Variants in DYNC2H1 observed in about 807,000 individuals in gnomAD.
DYNC2H1 encodes the protein dynein cytoplasmic 2 heavy chain 1.
DYNC2H1 carries 410 observed loss-of-function variants against 570.0 expected under a neutral mutation model. The observed-to-expected ratio is 0.72, with a 90% CI of 0.66 to 0.78. The LOEUF (loss-of-function observed/expected upper bound fraction) is 0.78, where lower values mean the gene tolerates loss of function less well. Among genes scored for constraint, DYNC2H1 ranks in the 30% least tolerant of loss-of-function variants. DYNC2H1 has a pLI of 0.00. For synonymous variants in DYNC2H1, 1,688 were observed against 1,677.6 expected (o/e 1.01, Z -0.15); for missense variants, 4,865 against 5,046.4 (o/e 0.96, Z 1.09).
chr11:103,225,583 G>A (rs896101348), intron 59 of DYNC2H1, among the ~76,000 whole-genome samples: 1 of 152,002 alleles, frequency 6.6e-6, no homozygotes, highest in Admixed American at 6.6e-5. Flanking sequence ...TTTATTTCTG[G>A]ATTTTCTCTT....
At chr11:103,236,272 G>C (rs1864216621) in intron 62 of DYNC2H1, among the ~76,000 whole-genome samples, 158 bp from the exon 63 acceptor site, 1 of 151,896 alleles carries the variant, frequency 6.6e-6, no homozygotes, top group African/African-American at 2.4e-5. Flanking sequence ...TTTTGTTTTA[G>C]ACTTTTTTCT....
chr11:103,163,087 A>C lies in DYNC2H1; in HGVS notation c.4551A>C (p.Glu1517Asp). The change falls in exon 30 of 89, where the codon GAA becomes GAC. Residue 1517 changes from glutamate (E) to aspartate (D), a missense_variant. Glu to Asp is a conservative substitution (Grantham distance 45). Around this residue, in one of 5 missense-constraint regions of DYNC2H1, gnomAD observed 1,936 missense variants for 1,962.1 expected, o/e 0.99. Coordinates refer to ENST00000375735, the MANE Select transcript of DYNC2H1 (RefSeq NM_001377.3). The surrounding 1 kb of genome is among the most constrained non-coding windows in gnomAD (Gnocchi z 4.6). Reference protein sequence around the residue: ...MKKTLEQLLKECVTTGRSSQG... With the variant: ...MKKTLEQLLKDCVTTGRSSQG... ...AAACTTTGGAACAGTTGTTGAAGGA[A>C]TGTGTTACTACTGGGCGAAGTTCTC... 1 of 1,613,276 alleles carries C rather than the reference A, an allele frequency of 6.2e-7. No homozygotes were observed. Among genetic ancestry groups the C allele is most frequent in the Non-Finnish European group, 8.5e-7 (1 of 1,179,390 alleles).
chr11:103,213,948 T>G lies in DYNC2H1; in HGVS notation c.8695-1773T>G, dbSNP rs1293841870. On this transcript the variant is annotated intron_variant, in intron 54 of 88. Transcript: ENST00000375735. ...TTTCCTCAATGTTTTATTCTAGAAG[T>G]TTTATAGTTCCAGGTCTTTTGTTTA... Among the ~76,000 whole-genome samples, 4 of 152,168 alleles carry G rather than the reference T, an allele frequency of 2.6e-5. No individual in the cohort carries two copies. In the East Asian group the frequency reaches 7.7e-4, roughly 29 times the overall value.
At position 103,255,945 on chromosome 11, in the gene DYNC2H1, A is replaced by G. The variant is rs529737147; in HGVS notation, c.10327-161A>G. Among the ~76,000 whole-genome samples, 29 of 152,272 alleles carry G rather than the reference A, an allele frequency of 1.9e-4. No homozygotes were observed. The Middle Eastern group carries it at 0.017, about 89-fold the overall frequency. On this transcript the variant is annotated intron_variant, in intron 67 of 88. Transcript: ENST00000375735. ...TCATTTGATATAAGAAGACTATAAT[A>G]AAAACAGAATAAAACTTTAAGAGGG...
chr11:103,197,514 C>G (rs1055806854), intron 47 of DYNC2H1, among the ~76,000 whole-genome samples: 3 of 152,122 alleles, frequency 2.0e-5, no homozygotes, highest in Non-Finnish European at 4.4e-5. Context: ...GTGGTGCAAT[C>G]ATGGCTCACG....
Position 103,261,981 on chromosome 11 carries a change from A to G in DYNC2H1, c.10695+2004A>G, listed in dbSNP as rs919426825. Among the ~76,000 whole-genome samples the G allele has an allele frequency of 1.3e-5, 2 of 152,314 alleles. No homozygotes were observed. The highest frequency in any genetic ancestry group is 3.9e-4 in the East Asian group (2 of 5,176). The stretch of plus-strand genomic sequence containing the variant: ...AAGGTTAGAGGAATTGCTAACTAGA[A>G]TAACCAGTTTAGAGAAGAACATAAA... On this transcript the variant is annotated intron_variant, in intron 70 of 88. Transcript: ENST00000375735. The surrounding 1 kb of genome is among the most constrained non-coding windows in gnomAD (Gnocchi z 4.8).
Position 103,334,462 on chromosome 11 carries a change from G to T in DYNC2H1, c.12039+10472G>T, listed in dbSNP as rs1232412589. On this transcript the variant is annotated intron_variant, in intron 82 of 88. Coordinates refer to ENST00000375735, the MANE Select transcript of DYNC2H1 (RefSeq NM_001377.3). This position sits in a 1 kb window ranked among gnomAD's most constrained non-coding sequence, Gnocchi z 4.3. ...ATTATAAATATCAAATGTAAAATTT[G>T]GTTTCATTCTAACAATTCCATGTAA... 6.6e-6 allele frequency among the ~76,000 whole-genome samples: 1 copy of T among 151,770 alleles called. No individual in the cohort carries two copies. The highest frequency in any genetic ancestry group is 1.5e-5 in the Non-Finnish European group (1 of 67,894).
intron 63 of DYNC2H1, among the ~76,000 whole-genome samples, chr11:103,242,813 A>G (rs967243770): frequency 7.9e-5 from 12 of 151,890 alleles, no homozygotes; most frequent in African/African-American, 2.9e-4. Context: ...CTCTGCCTCC[A>G]GGGTTCAAGC....
In DYNC2H1 at chr11:103,450,396, A is replaced by G. The variant is rs114271686; in HGVS notation, c.12457-4790A>G. On this transcript the variant is annotated intron_variant, in intron 85 of 88. Transcript: ENST00000375735. The stretch of plus-strand genomic sequence containing the variant: ...TTAACAAAAGCAGAATGCGCATTCA[A>G]GTGCGCACAGGGTGTTTACAGTGGT... Among the ~76,000 whole-genome samples the G allele has an allele frequency of 4.6e-3, 703 of 152,336 alleles. 4 individuals carry two copies. Among genetic ancestry groups the G allele is most frequent in the African/African-American group, 0.016 (652 of 41,588 alleles).
At chr11:103,428,399 AACAT>A (rs1454360594) in intron 84 of DYNC2H1, among the ~76,000 whole-genome samples, 1 of 152,172 alleles carries the variant, frequency 6.6e-6, no homozygotes, top group Non-Finnish European at 1.5e-5. Flanking sequence ...AAAACTATCT[AACAT>A]ACAGTGATGG....
At chr11:103,441,068 C>T (rs1277439209) in intron 85 of DYNC2H1, among the ~76,000 whole-genome samples, 2 of 152,224 alleles carry the variant, frequency 1.3e-5, no homozygotes, top group Middle Eastern at 3.4e-3. Context: ...TATCAAAATC[C>T]TTACACATCC....
chr11:103,447,679 GTTTATTATAACTAAGT>G (rs1944472689), intron 85 of DYNC2H1, among the ~76,000 whole-genome samples: 1 of 152,054 alleles, frequency 6.6e-6, no homozygotes, highest in African/African-American at 2.4e-5. Context: ...TATTTGAGAG[GTTTATTATAACTAAGT>G]TTTTTAAGGC....
rs188456662 is a variant in DYNC2H1 at position 103,124,975 on chromosome 11, T to C, written c.1662-125T>C. ...AAAACCCACAACTTAAAAGCTATAA[T>C]TAAAAAGTTTTTTTTTACTTTGAGC... On this transcript the variant is annotated intron_variant, in intron 11 of 88. Transcript: ENST00000375735. 3 of 669,890 alleles carry C rather than the reference T, an allele frequency of 4.5e-6. No homozygotes were observed. In the East Asian group the frequency reaches 9.5e-5, roughly 21 times the overall value. 41.5% of individuals were successfully genotyped at this position (669,890 alleles called of 1,614,324 possible).
At chr11:103,128,880 A>G (rs1233828349) in intron 12 of DYNC2H1, 30 bp from the exon 13 acceptor site, 3 of 1,443,012 alleles carry the variant, frequency 2.1e-6, no homozygotes, top group Non-Finnish European at 2.8e-6. Context: ...GAAGTTATTA[A>G]TTATTACTAA....
intron 47 of DYNC2H1, 106 bp from the exon 48 acceptor site, chr11:103,197,827 A>G (rs142173569): frequency 7.9e-7 from 1 of 1,259,742 alleles, no homozygotes; most frequent in African/African-American, 1.5e-5. Flanking sequence ...TCTGGAGATG[A>G]TCTTATTTGG....
chr11:103,444,876 C>A (rs1944374238), intron 85 of DYNC2H1, among the ~76,000 whole-genome samples: 1 of 152,054 alleles, frequency 6.6e-6, no homozygotes. Flanking sequence ...TGGCCAAGGA[C>A]CATTATGTAT....
At position 103,283,039 on chromosome 11, in the gene DYNC2H1, C is replaced by T. The variant is rs1468117934; in HGVS notation, c.10844C>T (p.Pro3615Leu). ...CAACAAAAAATACGTGATCAGCTTCCGTCTTGGATAGATCAGGAACGAAGC... is the reference window on the plus strand; with the variant it reads ...CAACAAAAAATACGTGATCAGCTTCTGTCTTGGATAGATCAGGAACGAAGC... The part of the protein sequence containing the change: ...DSQQKIRDQL[P>L]SWIDQERSWA... The change falls in exon 73 of 89, where the codon CCG becomes CTG. Residue 3615 changes from proline to leucine, a missense_variant. This residue lies in a region of DYNC2H1 where 2,401 missense variants were observed against 2,454.6 expected (regional missense o/e 0.98). Coordinates refer to ENST00000375735, the MANE Select transcript of DYNC2H1 (RefSeq NM_001377.3). 15 of 1,602,712 alleles carry T rather than the reference C, an allele frequency of 9.4e-6. No homozygotes were observed. Among genetic ancestry groups the T allele is most frequent in the East Asian group, 2.2e-5 (1 of 44,504 alleles).
chr11:103,271,715 C>T (rs1278582302), intron 70 of DYNC2H1, among the ~76,000 whole-genome samples: 1 of 152,148 alleles, frequency 6.6e-6, no homozygotes, highest in Non-Finnish European at 1.5e-5. Context: ...ATGCTTACAA[C>T]AATTCTGTTA....
At chr11:103,321,318 C>A in intron 81 of DYNC2H1, 81 bp downstream of exon 81, 2 of 1,195,028 alleles carry the variant, frequency 1.7e-6, no homozygotes, top group Non-Finnish European at 1.2e-6. Context: ...CATGTTACTT[C>A]TTTTCAAATG....
Sources: allele counts gnomAD v4.1 joint callset (sites outside exome capture counted in the v4.1 genomes callset), GRCh38; gene constraint gnomAD v4.1.1; regional missense constraint gnomAD v4.1.1; non-coding constraint Gnocchi (gnomAD v3.1); transcripts MANE v1.5; gene names NCBI Gene and HGNC (gene_info 2026-07-23, HGNC 2026-07-21).